Variants in LZTFL1 observed in about 807,000 individuals in gnomAD.
The protein encoded by LZTFL1 is leucine zipper transcription factor-like protein 1.
Under a neutral mutation model 45.9 loss-of-function variants are expected in LZTFL1, and 25 were observed. The ratio of observed to expected loss-of-function variants is 0.54; its 90% CI spans 0.40 to 0.76. The LOEUF is 0.76. LZTFL1 is among the 30% of genes least tolerant of loss of function. The pLI, the probability that LZTFL1 is intolerant of heterozygous loss-of-function variation, is 0.00. For missense variants in LZTFL1, 277 were observed against 331.1 expected, an observed-to-expected ratio of 0.84 and a Z score of 1.27; for synonymous variants, 93 against 117.4, an observed-to-expected ratio of 0.79 and a Z score of 1.35.
At chr3:45,894,949 T>C (rs773897373) in intron 2 of LZTFL1, 3 of 1,614,096 alleles carry the variant, frequency 1.9e-6, no homozygotes, top group Non-Finnish European at 2.5e-6. Flanking sequence ...ACCCACAGAC[T>C]TCACAGTGAG....
At chr3:45,880,435 G>A (rs1701835047) in intron 2 of LZTFL1, among the ~76,000 whole-genome samples, 1 of 152,124 alleles carries the variant, frequency 6.6e-6, no homozygotes, top group Non-Finnish European at 1.5e-5. Context: ...CCAGGAGGTG[G>A]AGGTTGCAGT....
chr3:45,841,069 T>C (rs1482698180), intron 1 of LZTFL1, among the ~76,000 whole-genome samples: 2 of 152,238 alleles, frequency 1.3e-5, no homozygotes, highest in African/African-American at 4.8e-5. Context: ...TTTTTTGTGA[T>C]TTGTTTTCAA....
chr3:45,827,109 T>C (rs1196483535), intron 9 of LZTFL1: 3 of 439,760 alleles, frequency 6.8e-6, no homozygotes, highest in African/African-American at 2.1e-5. Context: ...AGTGAATCCA[T>C]TGCCAAGAGC....
intron 2 of LZTFL1, among the ~76,000 whole-genome samples, chr3:45,889,275 T>C (rs1575292511): frequency 6.6e-6 from 1 of 152,238 alleles, no homozygotes; most frequent in East Asian, 1.9e-4. Context: ...ATGAGCCATC[T>C]TGCCTGGCTT....
chr3:45,901,698 A>G lies in LZTFL1; in HGVS notation c.-215+11422T>C. 2 of 1,614,046 alleles carry G rather than the reference A, an allele frequency of 1.2e-6. No homozygotes were observed. The highest frequency in any genetic ancestry group is 1.7e-6 in the Non-Finnish European group (2 of 1,179,952). ...TGACATCTGCTTCCAGGTCACCCAG[A>G]CCATCGCCTTCTTCCACAGTTGCCT... is the stretch of plus-strand genomic sequence containing the variant. On this transcript the variant is annotated intron_variant, in intron 2 of 4. Transcript: ENST00000472635. The surrounding 1 kb of genome is among the most constrained non-coding windows in gnomAD (Gnocchi z 4.3).
At chr3:45,846,501 C>T (rs1467722740), upstream of LZTFL1, among the ~76,000 whole-genome samples, 2 of 152,064 alleles carry the variant, frequency 1.3e-5, no homozygotes, top group African/African-American at 4.8e-5. Context: ...TTTTGACTCC[C>T]CCAAAACTGA....
intron 4 of LZTFL1, among the ~76,000 whole-genome samples, chr3:45,849,615 G>C (rs1463449618): frequency 6.6e-6 from 1 of 152,106 alleles, no homozygotes; most frequent in Non-Finnish European, 1.5e-5. Flanking sequence ...AGGAATGGAG[G>C]GAATTTATCT....
At chr3:45,872,231 C>T (rs548851570) in intron 2 of LZTFL1, among the ~76,000 whole-genome samples, 2 of 152,260 alleles carry the variant, frequency 1.3e-5, no homozygotes, top group East Asian at 3.9e-4. Context: ...GGAGTGTGTT[C>T]TGATGCATGT....
In LZTFL1 at chr3:45,824,257, AT is replaced by A. The variant is rs1250634839; in HGVS notation, c.*2056del. The A allele has an allele frequency of 6.6e-6, 1 of 152,146 alleles. No homozygotes were observed. The highest frequency in any genetic ancestry group is 6.5e-5 in the Admixed American group (1 of 15,268). 9.4% of individuals were successfully genotyped at this position (152,146 alleles called of 1,614,324 possible). ...CCTTAGAAATCCAATATATATATATATGAAAAAGGCTTTCTTTCTCAGTTAA... is the reference window on the plus strand; with the variant it reads ...CCTTAGAAATCCAATATATATATATAGAAAAAGGCTTTCTTTCTCAGTTAA... On this transcript the variant is annotated 3_prime_UTR_variant, in exon 10 of 10. Coordinates refer to ENST00000296135, the MANE Select transcript of LZTFL1 (RefSeq NM_020347.4).
At chr3:45,904,590 C>G (rs1265853006) in intron 2 of LZTFL1, among the ~76,000 whole-genome samples, 2 of 152,210 alleles carry the variant, frequency 1.3e-5, no homozygotes, top group Admixed American at 1.3e-4. Context: ...CCACAGTGAG[C>G]TCCTTCCATT....
Position 45,830,906 on chromosome 3 carries a change from G to A in LZTFL1, c.600+7C>T, listed in dbSNP as rs757233279. On this transcript the variant is annotated splice_region_variant and intron_variant, in intron 7 of 9. Coordinates refer to ENST00000296135, the MANE Select transcript of LZTFL1 (RefSeq NM_020347.4). The stretch of plus-strand genomic sequence containing the variant: ...AATGTGAGAAAGGTAGCTAAAACTT[G>A]TTTCACCTTTTGATTTCCTTGATCA... 4 of 1,612,066 alleles carry A rather than the reference G, an allele frequency of 2.5e-6. No homozygotes were observed. The East Asian group carries it at 6.7e-5, about 27-fold the overall frequency.
intron 2 of LZTFL1, among the ~76,000 whole-genome samples, chr3:45,882,521 C>T (rs1701878181): frequency 6.6e-6 from 1 of 152,104 alleles, no homozygotes; most frequent in African/African-American, 2.4e-5. Flanking sequence ...ATTTGGGGAA[C>T]CTAAAAAGTA....
chr3:45,872,862 G>A (rs1382403837), intron 2 of LZTFL1, among the ~76,000 whole-genome samples: 1 of 152,172 alleles, frequency 6.6e-6, no homozygotes, highest in East Asian at 1.9e-4. Flanking sequence ...TGGCAGATGA[G>A]GAACAATGTT....
rs559075946 is a variant in LZTFL1, at chr3:45,880,229, C to A, written c.-214-21213G>T. Among the ~76,000 whole-genome samples, 4 of 152,250 alleles carry A rather than the reference C, an allele frequency of 2.6e-5. No individual in the cohort carries two copies. In the South Asian group the frequency reaches 8.3e-4, roughly 32 times the overall value. On this transcript the variant is annotated intron_variant, in intron 2 of 4. Transcript: ENST00000472635. ...TGTTAAAAATGGAAATCAGGCTAGG[C>A]GAGGTAGCTCAGGCCTGCAATCCCA...
chr3:45,834,380 C>T, intron 3 of LZTFL1, 82 bp from the exon 4 acceptor site: 1 of 830,388 alleles, frequency 1.2e-6, no homozygotes, highest in Non-Finnish European at 1.9e-6. Flanking sequence ...TCACTGGTAC[C>T]AACCCATTAC....
intron 2 of LZTFL1, among the ~76,000 whole-genome samples, chr3:45,886,288 T>A (rs1405590023): frequency 6.6e-6 from 1 of 152,218 alleles, no homozygotes; most frequent in African/African-American, 2.4e-5. Context: ...CCCCATTCCC[T>A]GTAAGCAGCT....
intron 1 of LZTFL1, among the ~76,000 whole-genome samples, chr3:45,840,915 C>T (rs1207081767): frequency 6.6e-6 from 1 of 152,194 alleles, no homozygotes; most frequent in Non-Finnish European, 1.5e-5. Flanking sequence ...ACTGTTTACA[C>T]GCATTATCTT....
intron 5 of LZTFL1, 178 bp downstream of exon 5, chr3:45,832,872 C>T (rs1409460039): frequency 3.8e-6 from 2 of 521,550 alleles, no homozygotes; most frequent in African/African-American, 3.9e-5. Flanking sequence ...CTACTTCAGG[C>T]TCTCTAGAAG....
At chr3:45,896,141 A>T (rs1702349279) in intron 2 of LZTFL1, among the ~76,000 whole-genome samples, 1 of 152,250 alleles carries the variant, frequency 6.6e-6, no homozygotes, top group African/African-American at 2.4e-5. Flanking sequence ...TCTGACAAAA[A>T]GTAGACTCTT....
Sources: allele counts gnomAD v4.1 joint callset (sites outside exome capture counted in the v4.1 genomes callset), GRCh38; gene constraint gnomAD v4.1.1; non-coding constraint Gnocchi (gnomAD v3.1); transcripts MANE v1.5; gene names NCBI Gene and HGNC (gene_info 2026-07-23, HGNC 2026-07-21).